Variants in TRAF1 observed in about 807,000 individuals in gnomAD.
TRAF1 encodes TNF receptor-associated factor 1.
TRAF1 carries 23 observed loss-of-function variants against 40.9 expected under a neutral mutation model. The observed-to-expected ratio is 0.56, with a 90% CI of 0.40 to 0.80. The LOEUF is 0.80. Ranked by LOEUF, TRAF1 falls within the 30% of genes least tolerant of loss-of-function variation. The pLI is 0.00. For synonymous variants in TRAF1, 206 were observed against 218.8 expected (o/e 0.94, Z 0.52); for missense variants, 477 against 528.7 (o/e 0.90, Z 0.96).
intron 3 of TRAF1, among the ~76,000 whole-genome samples, chr9:120,916,728 T>C (rs1461403765): frequency 6.7e-6 from 1 of 148,292 alleles, no homozygotes; most frequent in East Asian, 2.0e-4. Flanking sequence ...GGACAAGTTG[T>C]TCCCAATAAA....
At chr9:120,915,880 T>C (rs368114558) in intron 3 of TRAF1, among the ~76,000 whole-genome samples, 3 of 152,308 alleles carry the variant, frequency 2.0e-5, no homozygotes, top group African/African-American at 7.2e-5. Flanking sequence ...TCTATGAAAG[T>C]ATCTTATAAA....
intron 3 of TRAF1, among the ~76,000 whole-genome samples, chr9:120,917,309 G>C (rs1183897315): frequency 6.6e-6 from 1 of 152,206 alleles, no homozygotes; most frequent in East Asian, 1.9e-4. Flanking sequence ...TTCAGGATGT[G>C]GCCTCTGGAG....
intron 5 of TRAF1, 85 bp from the exon 6 acceptor site, chr9:120,911,598 C>T: frequency 6.6e-7 from 1 of 1,504,532 alleles, no homozygotes; most frequent in African/African-American, 1.4e-5. Flanking sequence ...ATTGATCTGC[C>T]CCAGATGTGT....
Position 120,904,940 on chromosome 9 carries a change from T to G in TRAF1, c.*80A>C. ...TCACCCATCTTTGTGCCCTGAGGTC[T>G]TGGGTGCCAAGGGCAGGGCATCACA... On this transcript the variant is annotated 3_prime_UTR_variant, in exon 8 of 8. Coordinates refer to ENST00000373887, the MANE Select transcript of TRAF1 (RefSeq NM_005658.5). 7.1e-7 allele frequency: 1 copy of G among 1,403,910 alleles called. No homozygotes were observed. Among genetic ancestry groups the G allele is most frequent in the Non-Finnish European group, 9.8e-7 (1 of 1,022,342 alleles). The allele number at this position is 1,403,910 out of a possible 1,614,324, so 87.0% of individuals were successfully genotyped here.
At chr9:120,925,859 T>TCTGCCC (rs2046636520) in intron 2 of TRAF1, 77 bp downstream of exon 2, 2 of 1,597,308 alleles carry the variant, frequency 1.3e-6, no homozygotes, top group Admixed American at 3.5e-5. Context: ...CACAGGCTCC[T>TCTGCCC]CTGCCCCTCA....
intron 7 of TRAF1, among the ~76,000 whole-genome samples, chr9:120,905,472 G>A (rs2046473975): frequency 6.6e-6 from 1 of 152,236 alleles, no homozygotes; most frequent in South Asian, 2.1e-4. Flanking sequence ...GCTGTTCCAT[G>A]ATGAGGATCA....
At chr9:120,914,558 A>T in intron 3 of TRAF1, 1 of 1,132,244 alleles carries the variant, frequency 8.8e-7, no homozygotes. Context: ...CAGTCCACAC[A>T]GCTCCGTAAT....
chr9:120,905,823 C>G (rs533845628), intron 7 of TRAF1, among the ~76,000 whole-genome samples: 1 of 152,314 alleles, frequency 6.6e-6, no homozygotes, highest in Non-Finnish European at 1.5e-5. Context: ...TGGCACATGC[C>G]CCTGAAATGT....
intron 2 of TRAF1, among the ~76,000 whole-genome samples, chr9:120,925,235 C>T (rs7045264): frequency 0.05 from 7,637 of 152,298 alleles, 311 homozygotes; most frequent in Non-Finnish European, 0.075. Context: ...ATCTGTTAGG[C>T]CTCAGTGTTC....
intron 3 of TRAF1, among the ~76,000 whole-genome samples, chr9:120,921,177 C>A (rs1407407690): frequency 6.6e-6 from 1 of 152,164 alleles, no homozygotes; most frequent in African/African-American, 2.4e-5. Flanking sequence ...CCTCTCCCAT[C>A]CTGTAGCCTG....
intron 5 of TRAF1, among the ~76,000 whole-genome samples, chr9:120,911,791 T>A (rs979161252): frequency 6.9e-4 from 105 of 152,280 alleles, no homozygotes; most frequent in African/African-American, 2.1e-3. Context: ...CTTACAATGA[T>A]TTCATGAGAC....
rs1247180723 is a variant in TRAF1, at chr9:120,913,695, G to T, written c.338C>A (p.Thr113Asn). The T allele has an allele frequency of 1.7e-5, 28 of 1,606,278 alleles. No individual in the cohort carries two copies. The highest frequency in any genetic ancestry group is 2.3e-5 in the Non-Finnish European group (27 of 1,175,144). ...CCCCAACAGCAGGTTTAGGTGGGAG[G>T]TCTGGGAGGTGACCTCATGCTCTTG... ...SVQEHEVTSQ[T>N]SHLNLLLGFM... Residue 113 changes from threonine to asparagine, a missense_variant, in exon 5 of 8, where the codon ACC becomes AAC. By Grantham distance (65) the Thr-to-Asn change is moderately conservative (BLOSUM62 0). Transcript: ENST00000373887.
chr9:120,911,457 C>A lies in TRAF1; in HGVS notation c.762G>T (p.Glu254Asp), dbSNP rs370927077. Residue 254 changes from glutamate to aspartate, a missense_variant, in exon 6 of 8, where the codon GAG becomes GAT. Transcript: ENST00000373887. Reference protein sequence around the residue: ...AQKDQALGKLEQSLRLMEEAS... With the variant: ...AQKDQALGKLDQSLRLMEEAS... ...CCTCCTCCATGAGGCGCAAGCTCTGCTCCAGCTTGCCCAGGGCCTGGTCTT... is the reference window on the plus strand; with the variant it reads ...CCTCCTCCATGAGGCGCAAGCTCTGATCCAGCTTGCCCAGGGCCTGGTCTT... The A allele has an allele frequency of 1.5e-5, 24 of 1,613,408 alleles. No individual in the cohort carries two copies. In the African/African-American group the frequency reaches 3.2e-4, roughly 22 times the overall value.
chr9:120,914,000 T>TG (rs2046551131), intron 4 of TRAF1, among the ~76,000 whole-genome samples: 1 of 151,602 alleles, frequency 6.6e-6, no homozygotes, highest in Non-Finnish European at 1.5e-5. Context: ...GCATTGGGGG[T>TG]GGGGGTCATT....
At chr9:120,922,336 C>T (rs529921676) in intron 3 of TRAF1, among the ~76,000 whole-genome samples, 10 of 152,318 alleles carry the variant, frequency 6.6e-5, no homozygotes, top group African/African-American at 2.4e-4. Flanking sequence ...CTATCATCTA[C>T]GATTACATCC....
chr9:120,914,860 A>G (rs1367485600), intron 3 of TRAF1, among the ~76,000 whole-genome samples: 3 of 152,224 alleles, frequency 2.0e-5, no homozygotes, highest in Non-Finnish European at 2.9e-5. Context: ...TCTCAGTGCT[A>G]TTATAATAGC....
chr9:120,928,608 GTC>G (rs2046655701), upstream of TRAF1: 1 of 152,436 alleles, frequency 6.6e-6, no homozygotes, highest in Non-Finnish European at 1.5e-5. Flanking sequence ...TCCACGAGGA[GTC>G]TCTCTGCGCC....
At chr9:120,914,770 A>C (rs1301640442) in intron 3 of TRAF1, among the ~76,000 whole-genome samples, 1 of 152,134 alleles carries the variant, frequency 6.6e-6, no homozygotes, top group Non-Finnish European at 1.5e-5. Flanking sequence ...TTGGCCATCT[A>C]TCCTTGACTG....
rs963589794 is a variant in TRAF1, at chr9:120,904,203, C to T, written c.*817G>A. On this transcript the variant is annotated 3_prime_UTR_variant, in exon 8 of 8. Transcript: ENST00000373887. Reference sequence around the variant, plus strand: ...ACTGGGTTTCACCTGCATGAAGTGACGTGGTGTTTAGCTGATGGAGGCACA... The same window carrying T: ...ACTGGGTTTCACCTGCATGAAGTGATGTGGTGTTTAGCTGATGGAGGCACA... 2.6e-5 allele frequency: 4 copies of T among 152,276 alleles called. No individual in the cohort carries two copies. Among genetic ancestry groups the T allele is most frequent in the African/African-American group, 4.8e-5 (2 of 41,512 alleles). 9.4% of individuals were successfully genotyped at this position (152,276 alleles called of 1,614,324 possible).
Sources: gnomAD v4.1 joint callset for allele counts (sites outside exome capture counted in the v4.1 genomes callset) on GRCh38, gnomAD v4.1.1 for gene constraint, MANE v1.5 for transcripts, NCBI Gene and HGNC (gene_info 2026-07-23, HGNC 2026-07-21) for gene names.